C2CD2: variants seen among roughly 807,000 people sequenced by gnomAD.
C2CD2 encodes the protein C2 domain-containing protein 2.
C2CD2 carries 43 observed loss-of-function variants against 74.3 expected under a neutral mutation model. That is an observed-to-expected ratio of 0.58 (90% confidence interval 0.45 to 0.75). The LOEUF (loss-of-function observed/expected upper bound fraction) is 0.75, where lower values mean the gene tolerates loss of function less well. Among genes scored for constraint, C2CD2 ranks in the 30% least tolerant of loss-of-function variants. The pLI is 0.00. For missense variants in C2CD2, 801 were observed against 916.3 expected, an observed-to-expected ratio of 0.87 and a Z score of 1.63; for synonymous variants, 422 against 390.7, an observed-to-expected ratio of 1.08 and a Z score of -0.94.
chr21:41,924,560 A>G lies in C2CD2; in HGVS notation c.379-2475T>C, dbSNP rs2065189022. On this transcript the variant is annotated intron_variant, in intron 2 of 13. Transcript: ENST00000380486. This position sits in a 1 kb window ranked among gnomAD's most constrained non-coding sequence, Gnocchi z 4.4. ...AGAAATGTTGTCTATTCATGTTAAA[A>G]ATAAATGATCTATAAACAGTCCTTT... 6.6e-6 allele frequency among the ~76,000 whole-genome samples: 1 copy of G among 152,248 alleles called. No homozygotes were observed. The highest frequency in any genetic ancestry group is 2.4e-5 in the African/African-American group (1 of 41,458).
At chr21:41,931,029 G>A (rs1292162461) in intron 2 of C2CD2, among the ~76,000 whole-genome samples, 1 of 150,514 alleles carries the variant, frequency 6.6e-6, no homozygotes, top group African/African-American at 2.4e-5. Flanking sequence ...CCCAAGACAT[G>A]AGGAAAGACA....
intron 1 of C2CD2, among the ~76,000 whole-genome samples, chr21:41,950,047 T>C (rs983626561): frequency 6.6e-6 from 1 of 152,030 alleles, no homozygotes; most frequent in African/African-American, 2.4e-5. Flanking sequence ...AAATGACAAG[T>C]TGATGGGTGC....
intron 13 of C2CD2, among the ~76,000 whole-genome samples, chr21:41,898,346 C>T (rs1203498022): frequency 6.6e-6 from 1 of 152,186 alleles, no homozygotes; most frequent in African/African-American, 2.4e-5. Flanking sequence ...GATGCTGAGG[C>T]TCGGTGAGTC....
chr21:41,915,327 T>C (rs1281930662), intron 5 of C2CD2, among the ~76,000 whole-genome samples: 1 of 151,956 alleles, frequency 6.6e-6, no homozygotes, highest in Non-Finnish European at 1.5e-5. Context: ...CATCACATCC[T>C]CCAACAGACA....
At chr21:41,943,592 C>T (rs1488440682) in intron 1 of C2CD2, among the ~76,000 whole-genome samples, 1 of 152,168 alleles carries the variant, frequency 6.6e-6, no homozygotes, top group East Asian at 1.9e-4. Context: ...CTCATCTCCA[C>T]CGTGGTGAGC....
chr21:41,919,134 G>C, intron 3 of C2CD2, 174 bp from the exon 4 acceptor site: 1 of 618,858 alleles, frequency 1.6e-6, no homozygotes, highest in Non-Finnish European at 2.9e-6. Context: ...GTGTGCATAT[G>C]AGCATGTGTG....
At chr21:41,893,520 C>T in intron 13 of C2CD2, among the ~76,000 whole-genome samples, 1 of 152,182 alleles carries the variant, frequency 6.6e-6, no homozygotes, top group East Asian at 1.9e-4. Flanking sequence ...ACTCCGGGCT[C>T]CAGTCTGTTG....
chr21:41,939,350 A>G lies in C2CD2; in HGVS notation c.378+2797T>C. ...TTAAAGATGGAGTCTTGCTATTTCC[A>G]CAGCCCCGCTTCCTCCACTCCCTGT... On this transcript the variant is annotated intron_variant, in intron 2 of 13. Transcript: ENST00000380486. The surrounding 1 kb of genome is among the most constrained non-coding windows in gnomAD (Gnocchi z 5.5). Among the ~76,000 whole-genome samples, 1 of 152,074 alleles carries G rather than the reference A, an allele frequency of 6.6e-6. No homozygotes were observed. Among genetic ancestry groups the G allele is most frequent in the East Asian group, 1.9e-4 (1 of 5,192 alleles).
At position 41,905,738 on chromosome 21, in the gene C2CD2, G is replaced by T. The variant is rs2064953351; in HGVS notation, c.1418C>A (p.Ser473Tyr). Reference protein sequence around the residue: ...CRSAPVSKTLSSSDTELLVLN... With the variant: ...CRSAPVSKTLYSSDTELLVLN... ...GTCTCAGTTACCTGTGTCTGAAGAA[G>T]AGAGTGTTTTGCTGACGGGGGCGCT... is the stretch of plus-strand genomic sequence containing the variant. The change falls in exon 11 of 14, where the codon TCT (serine) becomes TAT (tyrosine). Residue 473 changes from serine (S) to tyrosine (Y), a missense_variant. Ser to Tyr is a moderately radical substitution (Grantham distance 144). Coordinates refer to ENST00000380486, the MANE Select transcript of C2CD2 (RefSeq NM_015500.2). 1.3e-6 allele frequency: 2 copies of T among 1,596,712 alleles called. No homozygotes were observed. Among genetic ancestry groups the T allele is most frequent in the East Asian group, 4.5e-5 (2 of 44,778 alleles).
rs190928988 is a variant in C2CD2 at position 41,926,175 on chromosome 21, C to T, written c.379-4090G>A. Reference sequence around the variant, plus strand: ...CTGCATCTGCAGGAGCGAGCTCCCTCGACAACAACCAACCATCCCCCAACC... The same window carrying T: ...CTGCATCTGCAGGAGCGAGCTCCCTTGACAACAACCAACCATCCCCCAACC... On this transcript the variant is annotated intron_variant, in intron 2 of 13. Coordinates refer to ENST00000380486, the MANE Select transcript of C2CD2 (RefSeq NM_015500.2). The surrounding 1 kb of genome is among the most constrained non-coding windows in gnomAD (Gnocchi z 8.0). Among the ~76,000 whole-genome samples the T allele has an allele frequency of 1.1e-4, 16 of 152,330 alleles. No homozygotes were observed. The highest frequency in any genetic ancestry group is 2.1e-4 in the South Asian group (1 of 4,826).
rs775883811 is a variant in C2CD2 at position 41,923,846 on chromosome 21, A to G, written c.379-1761T>C. ...CTCCCCTCCCGGGGGCAGAGGGCCA[A>G]GCAGACACGTGTGGGATAATTACCA... On this transcript the variant is annotated intron_variant, in intron 2 of 13. Transcript: ENST00000380486. The surrounding 1 kb of genome is among the most constrained non-coding windows in gnomAD (Gnocchi z 5.8). Among the ~76,000 whole-genome samples the G allele has an allele frequency of 3.3e-5, 5 of 152,146 alleles. No homozygotes were observed. Among genetic ancestry groups the G allele is most frequent in the Non-Finnish European group, 7.3e-5 (5 of 68,032 alleles).
intron 3 of C2CD2, among the ~76,000 whole-genome samples, chr21:41,920,166 G>A (rs754175550): frequency 2.0e-5 from 3 of 151,726 alleles, no homozygotes; most frequent in Non-Finnish European, 4.4e-5. Flanking sequence ...ACTCCCCTGT[G>A]ACTGCCGCTA....
intron 5 of C2CD2, among the ~76,000 whole-genome samples, chr21:41,915,767 T>C (rs1239140176): frequency 6.6e-6 from 1 of 152,172 alleles, no homozygotes; most frequent in Admixed American, 6.5e-5. Context: ...TTATTTATTT[T>C]GTTCGTTTGT....
rs916908986 is a variant in C2CD2, at chr21:41,939,007, G to T, written c.378+3140C>A. ...TCCGCCCACCTTGGCCTCCCAAAGT[G>T]CTGGGATTATAAGCGCGAGCCACGG... On this transcript the variant is annotated intron_variant, in intron 2 of 13. Transcript: ENST00000380486. This position sits in a 1 kb window ranked among gnomAD's most constrained non-coding sequence, Gnocchi z 5.5. Among the ~76,000 whole-genome samples, 18 of 152,116 alleles carry T rather than the reference G, an allele frequency of 1.2e-4. No homozygotes were observed. Among genetic ancestry groups the T allele is most frequent in the African/African-American group, 4.3e-4 (18 of 41,416 alleles).
intron 6 of C2CD2, among the ~76,000 whole-genome samples, chr21:41,912,676 A>G (rs2065041783): frequency 6.6e-6 from 1 of 152,070 alleles, no homozygotes; most frequent in Non-Finnish European, 1.5e-5. Flanking sequence ...TATTTAGTAG[A>G]GACGGGGTTT....
In C2CD2 at chr21:41,899,087, A is replaced by G. The variant is rs1446028863; in HGVS notation, c.1836T>C (p.Ser612=). 6.2e-7 allele frequency: 1 copy of G among 1,613,678 alleles called. No homozygotes were observed. Among genetic ancestry groups the G allele is most frequent in the African/African-American group, 1.3e-5 (1 of 74,842 alleles). The change falls in exon 13 of 14, where the codon AGT becomes AGC. Residue 612 remains serine (S), a synonymous_variant. Coordinates refer to ENST00000380486, the MANE Select transcript of C2CD2 (RefSeq NM_015500.2). This position sits in a 1 kb window ranked among gnomAD's most constrained non-coding sequence, Gnocchi z 4.4. Reference sequence around the variant, plus strand: ...TTTTGGCAGTGCCCGGCTCCAAGACACTCATGGAGCTCTCTGACAGCTCAT... The same window carrying G: ...TTTTGGCAGTGCCCGGCTCCAAGACGCTCATGGAGCTCTCTGACAGCTCAT... The part of the protein sequence containing the change: ...DGDELSESSM[S]VLEPGTAKKH...
At chr21:41,918,257 G>A (rs753076352) in intron 4 of C2CD2, 30 bp from the exon 5 acceptor site, 2 of 1,610,478 alleles carry the variant, frequency 1.2e-6, no homozygotes, top group African/African-American at 1.3e-5. Context: ...TTGACAAATC[G>A]CCTTTGCAAG....
At chr21:41,922,745 G>C (rs548724102) in intron 2 of C2CD2, among the ~76,000 whole-genome samples, 17 of 152,204 alleles carry the variant, frequency 1.1e-4, no homozygotes, top group Non-Finnish European at 2.5e-4. Flanking sequence ...AAAGTGCTGG[G>C]ATTACAGGTG....
intron 3 of C2CD2, among the ~76,000 whole-genome samples, chr21:41,919,979 G>A (rs911041735): frequency 2.0e-5 from 3 of 152,230 alleles, no homozygotes; most frequent in Admixed American, 6.5e-5. Context: ...GGCATGTGAC[G>A]TGAGGACTGC....
Sources: allele counts gnomAD v4.1 joint callset (sites outside exome capture counted in the v4.1 genomes callset), GRCh38; gene constraint gnomAD v4.1.1; non-coding constraint Gnocchi (gnomAD v3.1); transcripts MANE v1.5; gene names NCBI Gene and HGNC (gene_info 2026-07-23, HGNC 2026-07-21).